The following SRFBP1 variants were observed in gnomAD, a reference collection of about 807,000 sequenced individuals.
SRFBP1 encodes serum response factor-binding protein 1.
In SRFBP1, 47 loss-of-function variants were observed where a neutral mutation model predicts 45.5. The observed-to-expected ratio is 1.03, with a 90% CI of 0.82 to 1.32. SRFBP1 has a LOEUF of 1.32. Ranked by LOEUF, SRFBP1 falls within the 40% of genes most tolerant of loss-of-function variation. SRFBP1 has a pLI of 0.00. For synonymous variants in SRFBP1, 203 were observed against 166.3 expected (o/e 1.22, Z -1.70); for missense variants, 621 against 484.6 (o/e 1.28, Z -2.64).
chr5:122,014,823 A>G (rs974973019), intron 4 of SRFBP1, among the ~76,000 whole-genome samples: 7 of 152,206 alleles, frequency 4.6e-5, no homozygotes, highest in Non-Finnish European at 1.0e-4. Context: ...AAAACTTGTT[A>G]TAACTAAGAT....
downstream of SRFBP1, among the ~76,000 whole-genome samples, chr5:122,029,783 G>C (rs1753560969): frequency 6.6e-6 from 1 of 152,056 alleles, no homozygotes; most frequent in Non-Finnish European, 1.5e-5. Context: ...TGTATTTTGT[G>C]CAATTTCCTA....
chr5:122,027,130 G>A lies in SRFBP1; in HGVS notation c.*4G>A, dbSNP rs1753498816. On this transcript the variant is annotated 3_prime_UTR_variant, in exon 8 of 8. Coordinates refer to ENST00000339397, the MANE Select transcript of SRFBP1 (RefSeq NM_152546.3). ...AAAAATTACGTTTGATGATTGATTA[G>A]TGCCTCTTTCTGCAAACTTTTCCAT... is the stretch of plus-strand genomic sequence containing the variant. The A allele has an allele frequency of 1.8e-5, 29 of 1,586,056 alleles. No homozygotes were observed. The highest frequency in any genetic ancestry group is 2.4e-5 in the Non-Finnish European group (28 of 1,169,788).
At chr5:122,068,728 A>G (rs1414657344) in intron 2 of SRFBP1, among the ~76,000 whole-genome samples, 4 of 152,160 alleles carry the variant, frequency 2.6e-5, no homozygotes, top group Non-Finnish European at 5.9e-5. Context: ...CTACAGCAGT[A>G]TAGAGATTAG....
intron 4 of SRFBP1, among the ~76,000 whole-genome samples, chr5:122,014,620 A>T (rs997974540): frequency 6.6e-6 from 1 of 152,188 alleles, no homozygotes; most frequent in Non-Finnish European, 1.5e-5. Context: ...AGAATTGTAA[A>T]TCTTTTTCTA....
intron 6 of SRFBP1, among the ~76,000 whole-genome samples, chr5:122,021,125 C>A (rs998628812): frequency 6.6e-6 from 1 of 152,102 alleles, no homozygotes; most frequent in Non-Finnish European, 1.5e-5. Context: ...TTTCATGTAT[C>A]TTTCTAAACA....
At chr5:122,032,140 G>GAT (rs890995159), downstream of SRFBP1, among the ~76,000 whole-genome samples, 4 of 152,090 alleles carry the variant, frequency 2.6e-5, no homozygotes, top group Non-Finnish European at 5.9e-5. Flanking sequence ...AATTTAAAAA[G>GAT]ATATATATAA....
chr5:121,974,702 C>T (rs1752266519), intron 2 of SRFBP1, among the ~76,000 whole-genome samples: 1 of 151,672 alleles, frequency 6.6e-6, no homozygotes, highest in Non-Finnish European at 1.5e-5. Context: ...TCTTCAGTAC[C>T]TTATGAAAGT....
intron 2 of SRFBP1, among the ~76,000 whole-genome samples, chr5:122,051,046 G>T (rs1402402454): frequency 6.6e-6 from 1 of 152,018 alleles, no homozygotes; most frequent in Non-Finnish European, 1.5e-5. Flanking sequence ...TTATTTCTAG[G>T]TAATTGTATG....
At chr5:122,013,530 C>A (rs1272797391) in intron 4 of SRFBP1, among the ~76,000 whole-genome samples, 1 of 151,918 alleles carries the variant, frequency 6.6e-6, no homozygotes, top group Non-Finnish European at 1.5e-5. Context: ...ACTAACATTG[C>A]AAATACGTGT....
chr5:121,978,772 G>A (rs916798417), intron 3 of SRFBP1, among the ~76,000 whole-genome samples: 6 of 152,262 alleles, frequency 3.9e-5, no homozygotes, highest in Non-Finnish European at 7.4e-5. Flanking sequence ...GATTACAGGC[G>A]TGAGCAACCA....
rs1334102815 is a variant in SRFBP1, at chr5:122,027,564, T to C, written c.*438T>C. ...GATCTCATATTTTCTCTTTAGTGCT[T>C]ATCATGAAATGTGCTTCACTGGTTC... is the stretch of plus-strand genomic sequence containing the variant. On this transcript the variant is annotated 3_prime_UTR_variant, in exon 8 of 8. Transcript: ENST00000339397. The C allele has an allele frequency of 1.3e-5, 2 of 152,342 alleles. No homozygotes were observed. The highest frequency in any genetic ancestry group is 2.9e-5 in the Non-Finnish European group (2 of 68,148). 9.4% of individuals were successfully genotyped at this position (152,342 alleles called of 1,614,324 possible).
intron 3 of SRFBP1, among the ~76,000 whole-genome samples, chr5:121,976,451 A>T (rs1752305206): frequency 6.6e-6 from 1 of 151,750 alleles, no homozygotes; most frequent in African/African-American, 2.4e-5. Flanking sequence ...TGGTTTGCAG[A>T]TTATTTAGTT....
At chr5:122,021,436 T>A (rs1242067196) in intron 6 of SRFBP1, among the ~76,000 whole-genome samples, 1 of 152,184 alleles carries the variant, frequency 6.6e-6, no homozygotes, top group Admixed American at 6.5e-5. Flanking sequence ...CAGTAACAGC[T>A]ATAAACTGTT....
At chr5:122,048,073 C>T (rs1753897475) in intron 2 of SRFBP1, among the ~76,000 whole-genome samples, 2 of 152,136 alleles carry the variant, frequency 1.3e-5, no homozygotes, top group African/African-American at 4.8e-5. Flanking sequence ...CCGGAACTTC[C>T]AACACTATAT....
chr5:122,046,264 T>A (rs1041033415), intron 2 of SRFBP1, among the ~76,000 whole-genome samples: 23 of 152,146 alleles, frequency 1.5e-4, no homozygotes, highest in Admixed American at 2.0e-4. Flanking sequence ...TTCTCATTGT[T>A]CAATTCCCAC....
intron 2 of SRFBP1, among the ~76,000 whole-genome samples, chr5:122,054,925 T>C (rs1754052728): frequency 6.6e-6 from 1 of 152,240 alleles, no homozygotes; most frequent in Admixed American, 6.5e-5. Flanking sequence ...TTACATTCTG[T>C]AATACCACCC....
chr5:122,034,815 A>G (rs1753662464), intron 2 of SRFBP1, among the ~76,000 whole-genome samples: 1 of 150,590 alleles, frequency 6.6e-6, no homozygotes, highest in South Asian at 2.1e-4. Flanking sequence ...TGAGCTCTTG[A>G]TGTTTAAAAG....
At chr5:121,985,497 T>A (rs1394409437) in intron 3 of SRFBP1, among the ~76,000 whole-genome samples, 1 of 151,882 alleles carries the variant, frequency 6.6e-6, no homozygotes, top group Non-Finnish European at 1.5e-5. Context: ...TGGTGTGTTT[T>A]TTTAATCTAG....
downstream of SRFBP1, among the ~76,000 whole-genome samples, chr5:122,033,038 C>T (rs576934521): frequency 1.3e-5 from 2 of 152,024 alleles, no homozygotes; most frequent in Non-Finnish European, 2.9e-5. Flanking sequence ...AGAAATATTA[C>T]CTCTATGTAA....
Sources: allele counts gnomAD v4.1 joint callset (sites outside exome capture counted in the v4.1 genomes callset), GRCh38; gene constraint gnomAD v4.1.1; transcripts MANE v1.5; gene names NCBI Gene and HGNC (gene_info 2026-07-23, HGNC 2026-07-21).